Variants in MEIKIN observed in about 807,000 individuals in gnomAD.
MEIKIN encodes the protein meiotic kinetochore factor, also known as meiosis-specific kinetochore protein.
rs147973486 is a variant in MEIKIN at position 131,810,021 on chromosome 5, C to T, written c.1100-2763G>A. 4.8e-3 allele frequency among the ~76,000 whole-genome samples: 724 copies of T among 152,300 alleles called. 5 individuals carry two copies. The highest frequency in any genetic ancestry group is 0.017 in the African/African-American group (687 of 41,558). On this transcript the variant is annotated intron_variant, in intron 12 of 12. Transcript: ENST00000442687. Reference sequence around the variant, plus strand: ...AAGAACTACTATTTTACCAATTTTACAGATAGGAGGCTAAAATTCAGAAAG... The same window carrying T: ...AAGAACTACTATTTTACCAATTTTATAGATAGGAGGCTAAAATTCAGAAAG...
chr5:131,869,300 C>T (rs1203512476), intron 9 of MEIKIN, among the ~76,000 whole-genome samples: 2 of 152,126 alleles, frequency 1.3e-5, no homozygotes, highest in Non-Finnish European at 2.9e-5. Flanking sequence ...TTATATGGGT[C>T]TATTTCTGGG....
chr5:131,864,417 G>A (rs141981952), intron 9 of MEIKIN, among the ~76,000 whole-genome samples: 5 of 152,278 alleles, frequency 3.3e-5, no homozygotes, highest in African/African-American at 1.2e-4. Context: ...GAGTTTAGTA[G>A]TAATGAATTT....
chr5:131,807,828 G>A (rs556639266), intron 12 of MEIKIN, among the ~76,000 whole-genome samples: 7 of 152,140 alleles, frequency 4.6e-5, no homozygotes, highest in African/African-American at 1.4e-4. Context: ...TCATCCTCTG[G>A]CCAAATCAGC....
intron 11 of MEIKIN, among the ~76,000 whole-genome samples, chr5:131,839,043 C>T (rs184839963): frequency 5.4e-4 from 82 of 152,178 alleles, no homozygotes; most frequent in Middle Eastern, 3.4e-3. Flanking sequence ...GAGATTCTGG[C>T]ATGTTTTATC....
At chr5:131,840,112 C>T (rs1749877905) in intron 11 of MEIKIN, among the ~76,000 whole-genome samples, 2 of 152,188 alleles carry the variant, frequency 1.3e-5, no homozygotes, top group African/African-American at 4.8e-5. Context: ...TTCTCCTTCA[C>T]TTATGAATCT....
rs72793231 is a variant in MEIKIN, at chr5:131,860,406, C to T, written c.775-5572G>A. On this transcript the variant is annotated intron_variant, in intron 9 of 12. Coordinates refer to ENST00000442687, the MANE Select transcript of MEIKIN (RefSeq NM_001303622.2). ...CTGATTTTTGCTTGTTTGCATCCTG[C>T]GGCTTCACTGAATTTGGTTCAGTTC... Among the ~76,000 whole-genome samples the T allele has an allele frequency of 9.6e-3, 1,431 of 148,782 alleles. 5 individuals are homozygous for T. Among genetic ancestry groups the T allele is most frequent in the Non-Finnish European group, 0.015 (1,033 of 67,644 alleles).
At chr5:131,815,786 A>G (rs1455232154) in intron 12 of MEIKIN, among the ~76,000 whole-genome samples, 1 of 152,254 alleles carries the variant, frequency 6.6e-6, no homozygotes, top group African/African-American at 2.4e-5. Context: ...CAATCCATGC[A>G]GGACTGCTAA....
intron 3 of MEIKIN, among the ~76,000 whole-genome samples, chr5:131,943,298 A>G (rs1184327698): frequency 6.6e-6 from 1 of 152,186 alleles, no homozygotes; most frequent in African/African-American, 2.4e-5. Flanking sequence ...ATACACACAC[A>G]TATATATAAA....
chr5:131,852,098 A>G (rs1750124330), intron 10 of MEIKIN, among the ~76,000 whole-genome samples: 2 of 152,214 alleles, frequency 1.3e-5, no homozygotes, highest in Non-Finnish European at 2.9e-5. Context: ...ATAATGGAGT[A>G]TAATTCAGTT....
intron 8 of MEIKIN, among the ~76,000 whole-genome samples, chr5:131,894,573 G>A (rs566077116): frequency 2.0e-5 from 3 of 152,134 alleles, no homozygotes; most frequent in East Asian, 1.9e-4. Flanking sequence ...CTTTTATTTT[G>A]TTGAGCAGTG....
At chr5:131,878,852 G>C in intron 9 of MEIKIN, 126 bp downstream of exon 9, 1 of 375,724 alleles carries the variant, frequency 2.7e-6, no homozygotes, top group East Asian at 3.8e-5. Context: ...TCTAACCTGG[G>C]TGACAGAATG....
At chr5:131,885,749 C>T (rs1158374749) in intron 8 of MEIKIN, among the ~76,000 whole-genome samples, 1 of 152,068 alleles carries the variant, frequency 6.6e-6, no homozygotes, top group Non-Finnish European at 1.5e-5. Flanking sequence ...CAGTACTATC[C>T]AGGAAAACAT....
At chr5:131,903,167 C>T (rs1419253364) in intron 8 of MEIKIN, among the ~76,000 whole-genome samples, 3 of 152,108 alleles carry the variant, frequency 2.0e-5, no homozygotes, top group Non-Finnish European at 4.4e-5. Flanking sequence ...GAGGCCTAAT[C>T]TATGAGTCAT....
chr5:131,895,143 A>G (rs1751013890), intron 8 of MEIKIN, among the ~76,000 whole-genome samples: 1 of 152,206 alleles, frequency 6.6e-6, no homozygotes, highest in Admixed American at 6.5e-5. Flanking sequence ...CTGTTGAGAT[A>G]ATCATGTGGT....
At chr5:131,807,859 T>C (rs1197244802) in intron 12 of MEIKIN, among the ~76,000 whole-genome samples, 1 of 152,158 alleles carries the variant, frequency 6.6e-6, no homozygotes, top group Non-Finnish European at 1.5e-5. Flanking sequence ...GGCTCTGAAA[T>C]TTTGTTGCAT....
At chr5:131,875,806 T>A (rs1420335685) in intron 9 of MEIKIN, among the ~76,000 whole-genome samples, 17 of 152,078 alleles carry the variant, frequency 1.1e-4, no homozygotes, top group East Asian at 5.8e-4. Flanking sequence ...GATATAGACC[T>A]ATGGAACAGA....
chr5:131,944,658 T>C lies in MEIKIN; in HGVS notation c.288+7A>G, dbSNP rs549610549. On this transcript the variant is annotated splice_region_variant and intron_variant, in intron 3 of 12. Coordinates refer to ENST00000442687, the MANE Select transcript of MEIKIN (RefSeq NM_001303622.2). ...GTGTCCAAGGACTAAAAGAGAAGCA[T>C]ACATACACGCAACGATGCAATCTTC... The C allele has an allele frequency of 1.5e-5, 6 of 398,952 alleles. No homozygotes were observed. Among genetic ancestry groups the C allele is most frequent in the African/African-American group, 4.1e-5 (2 of 48,648 alleles). The allele number at this position is 398,952 out of a possible 1,614,324, so 24.7% of individuals were successfully genotyped here. A position where few individuals can be genotyped will look rare whatever the true frequency, so the allele number is the denominator to read the frequency against.
At chr5:131,880,290 A>G (rs1247869749) in intron 8 of MEIKIN, among the ~76,000 whole-genome samples, 10 of 146,436 alleles carry the variant, frequency 6.8e-5, no homozygotes, top group African/African-American at 2.5e-4. Flanking sequence ...TTTAGTAGAG[A>G]CAGGGTTTCA....
At chr5:131,831,567 C>T (rs1423255393) in intron 11 of MEIKIN, among the ~76,000 whole-genome samples, 2 of 152,082 alleles carry the variant, frequency 1.3e-5, no homozygotes, top group African/African-American at 4.8e-5. Context: ...ATCAATCAAT[C>T]AATCAATCAA....
Sources: gnomAD v4.1 joint callset for allele counts (sites outside exome capture counted in the v4.1 genomes callset) on GRCh38, gnomAD v4.1.1 for gene constraint, MANE v1.5 for transcripts, NCBI Gene and HGNC (gene_info 2026-07-23, HGNC 2026-07-21) for gene names.